NPHP4: variants seen among roughly 807,000 people sequenced by gnomAD.
NPHP4 encodes nephrocystin-4.
A neutral mutation model predicts 155.8 loss-of-function variants in NPHP4; 151 were observed. The ratio of observed to expected loss-of-function variants is 0.97; its 90% CI spans 0.85 to 1.11. The LOEUF (loss-of-function observed/expected upper bound fraction) is 1.11, where lower values mean the gene tolerates loss of function less well. NPHP4 is among the 50% of genes least tolerant of loss of function. NPHP4 has a pLI of 0.00. For synonymous variants in NPHP4, 845 were observed against 816.8 expected, an observed-to-expected ratio of 1.03 and a Z score of -0.59; for missense variants, 1,956 against 1,925.7, an observed-to-expected ratio of 1.02 and a Z score of -0.29.
chr1:5,940,682 A>T (rs919589130), intron 9 of NPHP4, among the ~76,000 whole-genome samples: 3 of 152,248 alleles, frequency 2.0e-5, no homozygotes, highest in Non-Finnish European at 4.4e-5. Flanking sequence ...GAAAGAAAAC[A>T]TCCCATTTAC....
At chr1:5,950,036 G>T (rs1647664010) in intron 7 of NPHP4, among the ~76,000 whole-genome samples, 1 of 152,176 alleles carries the variant, frequency 6.6e-6, no homozygotes, top group Non-Finnish European at 1.5e-5. Flanking sequence ...GTGGCAGCCA[G>T]TCTGGGCTTG....
At chr1:5,971,536 A>G (rs1652565994) in intron 3 of NPHP4, among the ~76,000 whole-genome samples, 1 of 152,218 alleles carries the variant, frequency 6.6e-6, no homozygotes, top group Non-Finnish European at 1.5e-5. Flanking sequence ...CGAGCCTCGA[A>G]GGCTTCATAA....
intron 16 of NPHP4, among the ~76,000 whole-genome samples, chr1:5,894,471 A>T (rs1644297105): frequency 6.6e-6 from 1 of 152,016 alleles, no homozygotes; most frequent in Non-Finnish European, 1.5e-5. Flanking sequence ...AAAAGGTAAA[A>T]TTTTTTAAGA....
intron 1 of NPHP4, among the ~76,000 whole-genome samples, chr1:5,988,629 G>C (rs1490697403): frequency 6.6e-6 from 1 of 152,180 alleles, no homozygotes; most frequent in Non-Finnish European, 1.5e-5. Flanking sequence ...ATCTTTTAAA[G>C]GGTAAAGGGA....
Position 5,946,657 on chromosome 1 carries a change from G to A in NPHP4, c.1119+447C>T, listed in dbSNP as rs1647115205. Among the ~76,000 whole-genome samples the A allele has an allele frequency of 5.9e-5, 9 of 152,374 alleles. No homozygotes were observed. The South Asian group carries it at 1.9e-3, about 32-fold the overall frequency. On this transcript the variant is annotated intron_variant, in intron 9 of 29. Transcript: ENST00000378156. ...TCTTTTGTGTGCTAATGAGATGACT[G>A]TGGCTGGTAGCCCCTAGGTGGCTTC...
rs550407813 is a variant in NPHP4, at chr1:5,896,848, A to G, written c.2144-5820T>C. 3.9e-5 allele frequency among the ~76,000 whole-genome samples: 6 copies of G among 152,270 alleles called. No homozygotes were observed. The East Asian group carries it at 1.2e-3, about 29-fold the overall frequency. Reference sequence around the variant, plus strand: ...AACCGGCACTGCTCCAGAAAGCAGGACGCGCTCAAAGTCCAATCAGAGCCG... The same window carrying G: ...AACCGGCACTGCTCCAGAAAGCAGGGCGCGCTCAAAGTCCAATCAGAGCCG... On this transcript the variant is annotated intron_variant, in intron 16 of 29. Coordinates refer to ENST00000378156, the MANE Select transcript of NPHP4 (RefSeq NM_015102.5).
chr1:5,987,143 T>C (rs1319377507), intron 1 of NPHP4, among the ~76,000 whole-genome samples: 4 of 152,032 alleles, frequency 2.6e-5, no homozygotes, highest in Admixed American at 6.6e-5. Context: ...CTAAAGCCAT[T>C]TGGGGACAGG....
intron 9 of NPHP4, among the ~76,000 whole-genome samples, chr1:5,934,163 T>G (rs1440285762): frequency 3.3e-5 from 5 of 152,034 alleles, no homozygotes; most frequent in African/African-American, 1.2e-4. Context: ...ACTCCAGAGG[T>G]GATCAGCTCT....
chr1:5,893,700 G>A (rs1326339461), intron 16 of NPHP4, among the ~76,000 whole-genome samples: 1 of 152,204 alleles, frequency 6.6e-6, no homozygotes, highest in Non-Finnish European at 1.5e-5. Context: ...AAGAGATGGA[G>A]GAGCAGAGTC....
intron 9 of NPHP4, among the ~76,000 whole-genome samples, chr1:5,946,007 T>G (rs1264942371): frequency 6.6e-6 from 1 of 152,228 alleles, no homozygotes; most frequent in Non-Finnish European, 1.5e-5. Context: ...TACGTTCACT[T>G]TTATTACTGT....
chr1:5,938,886 G>A (rs1350396592), intron 9 of NPHP4, among the ~76,000 whole-genome samples: 1 of 152,228 alleles, frequency 6.6e-6, no homozygotes, highest in South Asian at 2.1e-4. Flanking sequence ...ACAACTGTTA[G>A]AGAACGATGT....
intron 11 of NPHP4, among the ~76,000 whole-genome samples, chr1:5,919,023 T>C (rs1187296754): frequency 6.6e-6 from 1 of 152,238 alleles, no homozygotes; most frequent in Non-Finnish European, 1.5e-5. Flanking sequence ...CACAGGTCGA[T>C]TCAGCTAACA....
intron 11 of NPHP4, among the ~76,000 whole-genome samples, chr1:5,909,527 T>A (rs1339804872): frequency 6.6e-6 from 1 of 152,182 alleles, no homozygotes; most frequent in Non-Finnish European, 1.5e-5. Context: ...TTCTCCTCAC[T>A]AGTCATCTTT....
intron 21 of NPHP4, 62 bp downstream of exon 21, chr1:5,874,809 AGGG>A: frequency 6.4e-7 from 1 of 1,555,678 alleles, no homozygotes; most frequent in East Asian, 2.3e-5. Context: ...CCAGCTCAGC[AGGG>A]GTGCCGGCTG....
At chr1:5,969,944 T>C (rs1652264551) in intron 3 of NPHP4, among the ~76,000 whole-genome samples, 1 of 152,184 alleles carries the variant, frequency 6.6e-6, no homozygotes. Context: ...TATTAAAAGA[T>C]TTCTCAAGAT....
Position 5,942,912 on chromosome 1 carries a change from A to G in NPHP4, c.1119+4192T>C, listed in dbSNP as rs186877416. Among the ~76,000 whole-genome samples the G allele has an allele frequency of 1.4e-4, 22 of 152,330 alleles. No individual in the cohort carries two copies. The East Asian group carries it at 4.0e-3, about 28-fold the overall frequency. ...GGATGCCCGCTTATTCAGACATGAA[A>G]CGCAGCCAAGACACCGGATCTGGTG... On this transcript the variant is annotated intron_variant, in intron 9 of 29. Coordinates refer to ENST00000378156, the MANE Select transcript of NPHP4 (RefSeq NM_015102.5).
chr1:5,897,404 C>T (rs770390450), intron 16 of NPHP4, among the ~76,000 whole-genome samples: 5 of 152,292 alleles, frequency 3.3e-5, no homozygotes, highest in Admixed American at 6.5e-5. Flanking sequence ...GAATCAGCGT[C>T]GTAACAATGA....
intron 9 of NPHP4, among the ~76,000 whole-genome samples, chr1:5,942,218 C>A (rs1009698172): frequency 6.6e-6 from 1 of 151,982 alleles, no homozygotes; most frequent in South Asian, 2.1e-4. Flanking sequence ...AAGCAACATA[C>A]GCATTAAAAA....
At position 5,904,650 on chromosome 1, in the gene NPHP4, C is replaced by T. The variant is rs753145756; in HGVS notation, c.2110G>A (p.Val704Met). ...PSSGALTHIL[V>M]PVSRDGTFDA... ...AAGGTGCCATCTCTGCTCACAGGCA[C>T]GAGGATGTGGGTCAGGGCGCCAGAG... The change falls in exon 16 of 30, where the codon GTG (valine) becomes ATG (methionine). Residue 704 changes from valine (V) to methionine (M), a missense_variant. Coordinates refer to ENST00000378156, the MANE Select transcript of NPHP4 (RefSeq NM_015102.5). 11 of 1,612,764 alleles carry T rather than the reference C, an allele frequency of 6.8e-6. No individual in the cohort carries two copies. The East Asian group carries it at 1.8e-4, about 26-fold the overall frequency.
Sources: allele counts gnomAD v4.1 joint callset (sites outside exome capture counted in the v4.1 genomes callset), GRCh38; gene constraint gnomAD v4.1.1; transcripts MANE v1.5; gene names NCBI Gene and HGNC (gene_info 2026-07-23, HGNC 2026-07-21).